SNU13: variants seen among roughly 807,000 people sequenced by gnomAD.
SNU13 encodes the protein NHP2-like protein 1.
A neutral mutation model predicts 12.4 loss-of-function variants in SNU13; 2 were observed. That is an observed-to-expected ratio of 0.16 (90% CI 0.07 to 0.51). SNU13 has a LOEUF of 0.51. Among genes scored for constraint, SNU13 ranks in the 20% least tolerant of loss-of-function variants. The probability of loss-of-function intolerance (pLI) is 0.96; values close to 1 mark genes in which losing one functional copy is unlikely to be tolerated. For synonymous variants in SNU13, 68 were observed against 66.5 expected (o/e 1.02, Z -0.11); for missense variants, 66 against 157.8 (o/e 0.42, Z 3.12).
intron 1 of SNU13, chr22:41,687,583 G>A (rs2068321072): frequency 6.6e-6 from 1 of 151,634 alleles, no homozygotes; most frequent in South Asian, 2.1e-4. Context: ...ATTTCTTCAG[G>A]GGTTAAATAA....
intron 1 of SNU13, chr22:41,687,914 G>C (rs2068325289): frequency 1.3e-5 from 2 of 152,160 alleles, no homozygotes; most frequent in Admixed American, 1.3e-4. Context: ...CAAGTTCTAG[G>C]CTCAGCCACG....
chr22:41,683,031 G>A (rs555177983), intron 1 of SNU13, among the ~76,000 whole-genome samples: 46 of 152,060 alleles, frequency 3.0e-4, no homozygotes, highest in African/African-American at 1.0e-3. Context: ...ACAGGGTCTC[G>A]CTCTGTCACC....
intron 1 of SNU13, chr22:41,682,316 G>A (rs1247241284): frequency 6.3e-7 from 1 of 1,588,598 alleles, no homozygotes; most frequent in Non-Finnish European, 8.6e-7. Context: ...ACAGCTCTCG[G>A]GAGGTGACCC....
intron 2 of SNU13, 66 bp downstream of exon 2, chr22:41,680,178 A>G: frequency 6.6e-7 from 1 of 1,517,142 alleles, no homozygotes; most frequent in Non-Finnish European, 8.9e-7. Flanking sequence ...TGGAAATCAG[A>G]TCAGAGGCCC....
chr22:41,686,650 A>C (rs1402937749), intron 1 of SNU13, among the ~76,000 whole-genome samples: 1 of 142,920 alleles, frequency 7.0e-6, no homozygotes, highest in East Asian at 2.1e-4. Flanking sequence ...TTTCTTTGAC[A>C]CAGTCTTGCT....
At chr22:41,675,803 T>C (rs961977457) in intron 2 of SNU13, among the ~76,000 whole-genome samples, 1 of 147,872 alleles carries the variant, frequency 6.8e-6, no homozygotes, top group Admixed American at 7.0e-5. Context: ...CGGGCTGGAG[T>C]GCAATGGCGC....
At chr22:41,678,907 A>G (rs1371486280) in intron 2 of SNU13, among the ~76,000 whole-genome samples, 1 of 152,226 alleles carries the variant, frequency 6.6e-6, no homozygotes, top group Non-Finnish European at 1.5e-5. Context: ...TCCATTAAAA[A>G]TCTTCAACGA....
intron 2 of SNU13, 139 bp from the exon 3 acceptor site, chr22:41,675,334 A>T (rs2068202699): frequency 9.5e-7 from 1 of 1,052,862 alleles, no homozygotes; most frequent in Admixed American, 2.3e-5. Flanking sequence ...TTCAAACACC[A>T]GTCAGTCATA....
chr22:41,687,155 C>T (rs2068317638), intron 1 of SNU13, among the ~76,000 whole-genome samples: 1 of 151,226 alleles, frequency 6.6e-6, no homozygotes, highest in East Asian at 1.9e-4. Context: ...AACAGGGTTT[C>T]ACTATGTTGG....
rs375969113 is a variant in SNU13, at chr22:41,682,314, C to T, written c.4-1950G>A. 28 of 1,587,188 alleles carry T rather than the reference C, an allele frequency of 1.8e-5. No homozygotes were observed. In the African/African-American group the frequency reaches 3.0e-4, roughly 17 times the overall value. ...ACCACGCTCGCGGCACCACAGCTCTCGGGAGGTGACCCGGAGATAATGGCC... is the reference window on the plus strand; with the variant it reads ...ACCACGCTCGCGGCACCACAGCTCTTGGGAGGTGACCCGGAGATAATGGCC... On this transcript the variant is annotated intron_variant, in intron 1 of 2. Coordinates refer to ENST00000401959, the MANE Select transcript of SNU13 (RefSeq NM_001003796.2).
intron 1 of SNU13, chr22:41,682,494 C>T (rs1208108290): frequency 6.4e-7 from 1 of 1,567,662 alleles, no homozygotes; most frequent in East Asian, 2.3e-5. Context: ...CTGCCGCCAG[C>T]GGAAGTGACG....
intron 1 of SNU13, chr22:41,687,595 T>C (rs545710963): frequency 6.6e-6 from 1 of 152,188 alleles, no homozygotes; most frequent in Non-Finnish European, 1.5e-5. Flanking sequence ...GTTAAATAAA[T>C]TAACGAATGA....
Position 41,680,292 on chromosome 22 carries a change from C to A in SNU13, c.76G>T (p.Val26Phe), listed in dbSNP as rs1000596713. ...TGCTTATAGTTACATGACTGCTGAA[C>A]GAGGTCCAGTAGCTTCTTGGTGAGG... is the stretch of plus-strand genomic sequence containing the variant. Reference protein sequence around the residue: ...AHLTKKLLDLVQQSCNYKQLR... With the variant: ...AHLTKKLLDLFQQSCNYKQLR... Residue 26 changes from valine to phenylalanine, a missense_variant, in exon 2 of 3, where the codon GTT becomes TTT. By Grantham distance (50) the Val-to-Phe change is conservative. Coordinates refer to ENST00000401959, the MANE Select transcript of SNU13 (RefSeq NM_001003796.2). 6.2e-7 allele frequency: 1 copy of A among 1,613,870 alleles called. No homozygotes were observed. Among genetic ancestry groups the A allele is most frequent in the Non-Finnish European group, 8.5e-7 (1 of 1,179,970 alleles).
intron 2 of SNU13, among the ~76,000 whole-genome samples, chr22:41,676,458 T>C (rs976841099): frequency 1.3e-5 from 2 of 152,042 alleles, no homozygotes; most frequent in Non-Finnish European, 2.9e-5. Context: ...ACTTTTATCA[T>C]CTATAAAATA....
upstream of SNU13, chr22:41,689,165 C>T: frequency 1.1e-6 from 1 of 902,186 alleles, no homozygotes; most frequent in Non-Finnish European, 1.3e-6. Context: ...AGTTCGAGAC[C>T]AGCCTGGCCA....
rs998663074 is a variant in SNU13 at position 41,688,803 on chromosome 22, G to A, written c.-7C>T. ...CGGCGCACGCACTCACCATGGCTGCGGTTCCGCGGGCTCAGCACTCCTAGG... is the reference window on the plus strand; with the variant it reads ...CGGCGCACGCACTCACCATGGCTGCAGTTCCGCGGGCTCAGCACTCCTAGG... On this transcript the variant is annotated 5_prime_UTR_variant, in exon 1 of 3. Coordinates refer to ENST00000401959, the MANE Select transcript of SNU13 (RefSeq NM_001003796.2). 3.1e-6 allele frequency: 5 copies of A among 1,600,824 alleles called. No homozygotes were observed. The highest frequency in any genetic ancestry group is 3.4e-6 in the Non-Finnish European group (4 of 1,170,754).
At chr22:41,688,907 G>GGA, upstream of SNU13, 1 of 1,467,248 alleles carries the variant, frequency 6.8e-7, no homozygotes, top group East Asian at 2.4e-5. Context: ...GGCCCCGCGC[G>GGA]GCAGGAAGCG....
rs371160702 is a variant in SNU13 at position 41,682,409 on chromosome 22, G to C, written c.4-2045C>G. 3 of 1,613,470 alleles carry C rather than the reference G, an allele frequency of 1.9e-6. No individual in the cohort carries two copies. In the East Asian group the frequency reaches 6.7e-5, roughly 36 times the overall value. ...CGGACACCGCGAGGATACCACGCGT[G>C]TCGGTTTGGACGGTCTGCTGCCCAG... On this transcript the variant is annotated intron_variant, in intron 1 of 2. Coordinates refer to ENST00000401959, the MANE Select transcript of SNU13 (RefSeq NM_001003796.2).
rs879315245 is a variant in SNU13 at position 41,675,428 on chromosome 22, C to CT, written c.125-234dup. Among the ~76,000 whole-genome samples the CT allele has an allele frequency of 7.9e-4, 116 of 146,576 alleles. 1 individual carries two copies. Among genetic ancestry groups the CT allele is most frequent in the South Asian group, 2.6e-3 (12 of 4,630 alleles). On this transcript the variant is annotated intron_variant, in intron 2 of 2. Coordinates refer to ENST00000401959, the MANE Select transcript of SNU13 (RefSeq NM_001003796.2). ...CTGAATCTGACCACTTCTTCTTCTT[C>CT]TTTTTTTTTTTTGAGATGGAGTCTT...
Sources: gnomAD v4.1 joint callset for allele counts (sites outside exome capture counted in the v4.1 genomes callset) on GRCh38, gnomAD v4.1.1 for gene constraint, MANE v1.5 for transcripts, NCBI Gene and HGNC (gene_info 2026-07-23, HGNC 2026-07-21) for gene names.